Variants in KCNQ5 observed in about 807,000 individuals in gnomAD.
The protein encoded by KCNQ5 is potassium voltage-gated channel subfamily Q member 5, also known as potassium voltage-gated channel subfamily KQT member 5.
In KCNQ5, 30 loss-of-function variants were observed where a neutral mutation model predicts 98.2. That is an observed-to-expected ratio of 0.31 (90% CI 0.23 to 0.41). The LOEUF (loss-of-function observed/expected upper bound fraction) is 0.41. KCNQ5 is among the 10% of genes least tolerant of loss of function. The pLI is 1.00. For synonymous variants in KCNQ5, 458 were observed against 449.4 expected (o/e 1.02, Z -0.24); for missense variants, 835 against 1,182.5 (o/e 0.71, Z 4.31).
chr6:72,801,646 T>C (rs1774664214), intron 1 of KCNQ5, among the ~76,000 whole-genome samples: 1 of 141,222 alleles, frequency 7.1e-6, no homozygotes. Flanking sequence ...AATATTGTTA[T>C]GTGTGAATTT....
chr6:73,023,213 G>A (rs182571123), intron 2 of KCNQ5, among the ~76,000 whole-genome samples: 18 of 152,302 alleles, frequency 1.2e-4, no homozygotes, highest in African/African-American at 4.3e-4. Flanking sequence ...TGGTGTTTGA[G>A]GTGAGAGGCT....
intron 10 of KCNQ5, among the ~76,000 whole-genome samples, chr6:73,144,579 C>T (rs920624403): frequency 4.6e-5 from 7 of 152,294 alleles, no homozygotes; most frequent in Middle Eastern, 3.4e-3. Context: ...AATGTCATGA[C>T]CCTATATCTC....
intron 1 of KCNQ5, among the ~76,000 whole-genome samples, chr6:72,774,624 C>T (rs1318321071): frequency 6.6e-6 from 1 of 152,012 alleles, no homozygotes; most frequent in Non-Finnish European, 1.5e-5. Context: ...CACACACACA[C>T]ACACACCCTA....
At chr6:72,851,406 C>G (rs1322751554) in intron 1 of KCNQ5, among the ~76,000 whole-genome samples, 1 of 152,124 alleles carries the variant, frequency 6.6e-6, no homozygotes, top group Non-Finnish European at 1.5e-5. Context: ...AGCTATTAAT[C>G]TGGGACCAGC....
chr6:72,752,094 C>A (rs570454607), intron 1 of KCNQ5, among the ~76,000 whole-genome samples: 2 of 152,202 alleles, frequency 1.3e-5, no homozygotes, highest in African/African-American at 4.8e-5. Context: ...AGCAATCCCC[C>A]AGTGAAAAGT....
intron 1 of KCNQ5, among the ~76,000 whole-genome samples, chr6:72,894,953 C>A (rs965986585): frequency 6.6e-6 from 1 of 151,866 alleles, no homozygotes; most frequent in Non-Finnish European, 1.5e-5. Context: ...TCCATGAGCA[C>A]GTGTGCACAC....
intron 1 of KCNQ5, among the ~76,000 whole-genome samples, chr6:72,940,508 A>G (rs1766174796): frequency 6.6e-6 from 1 of 152,150 alleles, no homozygotes; most frequent in African/African-American, 2.4e-5. Context: ...GATCACTGGG[A>G]CAATAGGAAG....
intron 2 of KCNQ5, among the ~76,000 whole-genome samples, chr6:73,004,737 C>A (rs1375022370): frequency 1.3e-5 from 2 of 152,136 alleles, no homozygotes; most frequent in African/African-American, 4.8e-5. Context: ...ACTATTTTGA[C>A]CCACTCACTT....
chr6:73,010,486 T>C (rs1482968643), intron 2 of KCNQ5, among the ~76,000 whole-genome samples: 1 of 152,006 alleles, frequency 6.6e-6, no homozygotes, highest in African/African-American at 2.4e-5. Flanking sequence ...CCATCCCTAT[T>C]CAACAAAGTA....
At chr6:72,859,219 A>G (rs1777658596) in intron 1 of KCNQ5, among the ~76,000 whole-genome samples, 1 of 152,124 alleles carries the variant, frequency 6.6e-6, no homozygotes, top group African/African-American at 2.4e-5. Context: ...ATTATAATAG[A>G]GTTCTATAAT....
chr6:72,985,764 C>A (rs1768743107), intron 1 of KCNQ5, among the ~76,000 whole-genome samples: 1 of 152,180 alleles, frequency 6.6e-6, no homozygotes, highest in African/African-American at 2.4e-5. Context: ...TCTTAAAGAA[C>A]TTAAAGCAGA....
At chr6:72,975,411 C>A (rs1472375163) in intron 1 of KCNQ5, among the ~76,000 whole-genome samples, 1 of 152,122 alleles carries the variant, frequency 6.6e-6, no homozygotes, top group Non-Finnish European at 1.5e-5. Flanking sequence ...TAGTGTCCAT[C>A]GCTTGCCAAC....
intron 1 of KCNQ5, among the ~76,000 whole-genome samples, chr6:72,820,514 T>C (rs1004561852): frequency 3.3e-5 from 5 of 151,860 alleles, no homozygotes; most frequent in African/African-American, 1.2e-4. Flanking sequence ...ATTTAATAGG[T>C]TGTAAGTTTA....
chr6:73,118,489 A>G (rs1433338371), intron 7 of KCNQ5, among the ~76,000 whole-genome samples: 2 of 151,750 alleles, frequency 1.3e-5, no homozygotes, highest in Non-Finnish European at 2.9e-5. Flanking sequence ...AACATATATA[A>G]GCATATATTT....
At chr6:73,143,836 C>T (rs559998456) in intron 10 of KCNQ5, among the ~76,000 whole-genome samples, 97 of 152,306 alleles carry the variant, frequency 6.4e-4, no homozygotes, top group Non-Finnish European at 1.1e-3. Flanking sequence ...CCTCATTCTT[C>T]AGACTTCATA....
At chr6:72,867,966 AC>A (rs1562035231) in intron 1 of KCNQ5, among the ~76,000 whole-genome samples, 46 of 151,358 alleles carry the variant, frequency 3.0e-4, no homozygotes, top group Admixed American at 5.9e-4. Context: ...TACTACTACT[AC>A]TACTAATAAT....
intron 1 of KCNQ5, among the ~76,000 whole-genome samples, chr6:72,811,267 A>T (rs1775229583): frequency 6.6e-6 from 1 of 152,184 alleles, no homozygotes. Flanking sequence ...GGTAGAAAAG[A>T]AAAATAGTGG....
intron 1 of KCNQ5, among the ~76,000 whole-genome samples, chr6:72,702,479 A>G (rs1768863217): frequency 6.6e-6 from 1 of 152,206 alleles, no homozygotes. Flanking sequence ...GCAAGTGATA[A>G]AAAAGTATTA....
At chr6:72,964,309 A>G (rs1318198673) in intron 1 of KCNQ5, among the ~76,000 whole-genome samples, 1 of 152,202 alleles carries the variant, frequency 6.6e-6, no homozygotes, top group Non-Finnish European at 1.5e-5. Context: ...CATGTGGATT[A>G]TTATAGAGAT....
Sources: allele counts gnomAD v4.1 joint callset (sites outside exome capture counted in the v4.1 genomes callset), GRCh38; gene constraint gnomAD v4.1.1; transcripts MANE v1.5; gene names NCBI Gene and HGNC (gene_info 2026-07-23, HGNC 2026-07-21).